CEP83: variants seen among roughly 807,000 people sequenced by gnomAD.
The protein encoded by CEP83 is centrosomal protein of 83 kDa.
Under a neutral mutation model 101.9 loss-of-function variants are expected in CEP83, and 70 were observed. The ratio of observed to expected loss-of-function variants is 0.69; its 90% CI spans 0.57 to 0.84. CEP83 has a LOEUF of 0.84. Among genes scored for constraint, CEP83 ranks in the 40% least tolerant of loss-of-function variants. The probability of loss-of-function intolerance (pLI) is 0.00; values close to 1 mark genes in which losing one functional copy is unlikely to be tolerated. For synonymous variants in CEP83, 264 were observed against 267.9 expected, an observed-to-expected ratio of 0.99 and a Z score of 0.14; for missense variants, 715 against 787.2, an observed-to-expected ratio of 0.91 and a Z score of 1.10.
intron 11 of CEP83, among the ~76,000 whole-genome samples, chr12:94,339,691 A>C (rs2136598559): frequency 6.6e-6 from 1 of 152,328 alleles, no homozygotes; most frequent in South Asian, 2.1e-4. Flanking sequence ...GAGTCCTACA[A>C]GTCTCATGAG....
chr12:94,446,626 T>C (rs1166249059), intron 1 of CEP83, among the ~76,000 whole-genome samples: 1 of 152,120 alleles, frequency 6.6e-6, no homozygotes, highest in African/African-American at 2.4e-5. Context: ...GAGAATCGCT[T>C]GAACCTGAGA....
chr12:94,368,366 T>C (rs1287059755), intron 9 of CEP83, 165 bp from the exon 10 acceptor site: 2 of 580,142 alleles, frequency 3.4e-6, no homozygotes, highest in East Asian at 3.0e-5. Flanking sequence ...ACTCTTAAAA[T>C]AAGAATGAAA....
At chr12:94,401,433 A>G (rs1019581539) in intron 5 of CEP83, among the ~76,000 whole-genome samples, 14 of 152,352 alleles carry the variant, frequency 9.2e-5, no homozygotes, top group African/African-American at 3.1e-4. Context: ...AAATATTACA[A>G]TGATAGTTTA....
intron 1 of CEP83, among the ~76,000 whole-genome samples, chr12:94,454,740 T>C (rs1452997837): frequency 6.6e-6 from 1 of 152,174 alleles, no homozygotes; most frequent in African/African-American, 2.4e-5. Flanking sequence ...GGTCCGCAGC[T>C]TCACTCCTGA....
At chr12:94,391,626 C>T in intron 6 of CEP83, among the ~76,000 whole-genome samples, 1 of 152,060 alleles carries the variant, frequency 6.6e-6, no homozygotes, top group Non-Finnish European at 1.5e-5. Context: ...TCACACACAA[C>T]AATATTAACC....
intron 6 of CEP83, among the ~76,000 whole-genome samples, chr12:94,395,840 T>C (rs1407767195): frequency 6.6e-6 from 1 of 151,826 alleles, no homozygotes; most frequent in Non-Finnish European, 1.5e-5. Flanking sequence ...AAAGAAGAAA[T>C]AAACCCCAGC....
intron 11 of CEP83, among the ~76,000 whole-genome samples, chr12:94,355,913 C>T (rs1439087101): frequency 6.6e-6 from 1 of 152,194 alleles, no homozygotes; most frequent in East Asian, 1.9e-4. Flanking sequence ...GACTGGTTTG[C>T]TGTTAATAAA....
chr12:94,376,515 A>G (rs946618089), intron 7 of CEP83, among the ~76,000 whole-genome samples: 2 of 152,198 alleles, frequency 1.3e-5, no homozygotes, highest in Middle Eastern at 3.4e-3. Context: ...CAGACTTTTT[A>G]AGTACGAGCA....
Position 94,310,525 on chromosome 12 carries a change from CA to C in CEP83, c.1812-419del, listed in dbSNP as rs145094233. On this transcript the variant is annotated intron_variant, in intron 15 of 16. Coordinates refer to ENST00000397809, the MANE Select transcript of CEP83 (RefSeq NM_016122.3). The stretch of plus-strand genomic sequence containing the variant: ...ATGGGATTAGTTCCAGGACATCCCT[CA>C]TATATCAAAGCCTGTGCATACAAGT... Among the ~76,000 whole-genome samples, 91 of 152,282 alleles carry C rather than the reference CA, an allele frequency of 6.0e-4. 1 individual carries two copies. The highest frequency in any genetic ancestry group is 2.1e-3 in the African/African-American group (89 of 41,548).
intron 6 of CEP83, among the ~76,000 whole-genome samples, chr12:94,383,474 CCTGA>C (rs376445955): frequency 9.2e-5 from 14 of 151,980 alleles, no homozygotes; most frequent in African/African-American, 3.4e-4. Context: ...TAAGGAGCAC[CCTGA>C]CTTACAATGG....
intron 1 of CEP83, among the ~76,000 whole-genome samples, chr12:94,456,740 GACACATGGGGATTATGGGGATTATA>G (rs2067708462): frequency 6.6e-6 from 1 of 152,320 alleles, no homozygotes; most frequent in Non-Finnish European, 1.5e-5. Context: ...TCTCTTCCCT[GACACATGGGGATTATGGGGATTATA>G]ATTCAAGGTG....
At chr12:94,358,514 G>C (rs1460964001) in intron 11 of CEP83, among the ~76,000 whole-genome samples, 1 of 152,140 alleles carries the variant, frequency 6.6e-6, no homozygotes, top group African/African-American at 2.4e-5. Flanking sequence ...TGGCTGCTAA[G>C]TAAAGAGAAA....
At chr12:94,326,930 T>C (rs377581861) in intron 14 of CEP83, among the ~76,000 whole-genome samples, 4 of 152,304 alleles carry the variant, frequency 2.6e-5, no homozygotes, top group African/African-American at 7.2e-5. Context: ...TAAGCTTTTG[T>C]TGTTTTAAGC....
the CEP83 span, among the ~76,000 whole-genome samples, chr12:94,290,947 T>A: frequency 3.3e-5 from 5 of 152,234 alleles, no homozygotes; most frequent in East Asian, 9.7e-4. Context: ...CACCCGTTTG[T>A]CTTGTAATTT....
At chr12:94,431,792 G>T (rs1005016954) in intron 2 of CEP83, among the ~76,000 whole-genome samples, 1 of 152,118 alleles carries the variant, frequency 6.6e-6, no homozygotes, top group African/African-American at 2.4e-5. Flanking sequence ...ACAGATGCTG[G>T]CAAGGATGTG....
chr12:94,386,379 C>T (rs2062148047), intron 6 of CEP83, among the ~76,000 whole-genome samples: 2 of 152,210 alleles, frequency 1.3e-5, no homozygotes, highest in African/African-American at 4.8e-5. Context: ...ATAGTTTCCT[C>T]CACACATGCG....
At chr12:94,392,349 G>A (rs879934747) in intron 6 of CEP83, among the ~76,000 whole-genome samples, 3 of 152,034 alleles carry the variant, frequency 2.0e-5, no homozygotes, top group South Asian at 2.1e-4. Context: ...TCAAAACCAC[G>A]CAACTACATG....
intron 1 of CEP83, among the ~76,000 whole-genome samples, chr12:94,457,584 A>G (rs74559067): frequency 0.02 from 3,115 of 152,318 alleles, 40 homozygotes; most frequent in Middle Eastern, 0.031. Context: ...TGAATATTTC[A>G]TTACTTCAAC....
chr12:94,303,715 T>G, downstream of CEP83: 10 of 1,085,172 alleles, frequency 9.2e-6, no homozygotes, highest in Middle Eastern at 2.4e-4. Flanking sequence ...TTTTTTTTAC[T>G]CTTTTGGTGA....
Sources: gnomAD v4.1 joint callset for allele counts (sites outside exome capture counted in the v4.1 genomes callset) on GRCh38, gnomAD v4.1.1 for gene constraint, MANE v1.5 for transcripts, NCBI Gene and HGNC (gene_info 2026-07-23, HGNC 2026-07-21) for gene names.